CAND2: variants seen among roughly 807,000 people sequenced by gnomAD.
The protein encoded by CAND2 is cullin-associated NEDD8-dissociated protein 2.
Under a neutral mutation model 98.9 loss-of-function variants are expected in CAND2, and 62 were observed. That is an observed-to-expected ratio of 0.63 (90% confidence interval 0.51 to 0.77). CAND2 has a LOEUF of 0.77. Among genes scored for constraint, CAND2 ranks in the 30% least tolerant of loss-of-function variants. The pLI is 0.00. For synonymous variants in CAND2, 770 were observed against 731.9 expected, an observed-to-expected ratio of 1.05 and a Z score of -0.84; for missense variants, 1,501 against 1,655.2, an observed-to-expected ratio of 0.91 and a Z score of 1.62.
At chr3:12,832,753 G>C (rs1366299402) in intron 14 of CAND2, 2 of 152,168 alleles carry the variant, frequency 1.3e-5, no homozygotes, top group Non-Finnish European at 2.9e-5. Flanking sequence ...CTGGGATCCT[G>C]GAACCAAACT....
At chr3:12,799,626 C>T (rs969192857) in intron 1 of CAND2, among the ~76,000 whole-genome samples, 6 of 152,206 alleles carry the variant, frequency 3.9e-5, no homozygotes, top group African/African-American at 7.2e-5. Flanking sequence ...TGCTCTCACC[C>T]TCCCTGACAA....
intron 13 of CAND2, 66 bp from the exon 14 acceptor site, chr3:12,831,399 C>T: frequency 7.4e-7 from 1 of 1,342,290 alleles, no homozygotes; most frequent in South Asian, 1.2e-5. Flanking sequence ...CTGCTCTTTC[C>T]CAGGGCTGGC....
In CAND2 at chr3:12,816,912, C is replaced by T. The variant is rs764308155; in HGVS notation, c.1980C>T (p.Phe660=). 1.2e-6 allele frequency: 2 copies of T among 1,613,850 alleles called. No individual in the cohort carries two copies. Among genetic ancestry groups the T allele is most frequent in the South Asian group, 2.2e-5 (2 of 91,082 alleles). ...AGGCACTGCACATTCTGGCCTCATT[C>T]CTGCGGAAGAACCAGCGGGCTTTGC... is the stretch of plus-strand genomic sequence containing the variant. The part of the protein sequence containing the change: ...LAEALHILAS[F]LRKNQRALRL... Residue 660 remains phenylalanine (F), a synonymous_variant, in exon 10 of 15, where the codon TTC becomes TTT. Transcript: ENST00000456430.
At chr3:12,831,194 C>T (rs1355922169) in intron 13 of CAND2, among the ~76,000 whole-genome samples, 6 of 152,230 alleles carry the variant, frequency 3.9e-5, no homozygotes, top group Admixed American at 3.9e-4. Context: ...TCATCCCCAG[C>T]ATCTGCCTGA....
rs768568482 is a variant in CAND2, at chr3:12,820,112, A to G, written c.2971A>G (p.Ile991Val). The G allele has an allele frequency of 1.7e-5, 27 of 1,614,052 alleles. No individual in the cohort carries two copies. The change falls in exon 11 of 15, where the codon ATC becomes GTC. Residue 991 changes from isoleucine to valine, a missense_variant. Physicochemically the swap from Ile to Val is conservative, Grantham distance 29. Transcript: ENST00000456430. ...AGRPHTRSTV[I>V]TAVKFLISDQ... ...TCGGCCACACACCCGGAGCACCGTC[A>G]TCACAGCGGTCAAGTTCCTTATCTC...
Position 12,825,631 on chromosome 3 carries a change from A to G in CAND2, c.3202A>G (p.Ile1068Val). The G allele has an allele frequency of 6.2e-7, 1 of 1,600,456 alleles. No individual in the cohort carries two copies. The highest frequency in any genetic ancestry group is 1.3e-5 in the African/African-American group (1 of 74,932). ...GGAGACAAAGATCCGGCGGGACCTC[A>G]TCCGAGAGGTGTGGAGCAGAGCTGG... ...YQETKIRRDL[I>V]REVEMGPFKH... The change falls in exon 12 of 15, where the codon ATC (isoleucine) becomes GTC (valine). Residue 1068 changes from isoleucine to valine, a missense_variant. Ile to Val is a conservative substitution (Grantham distance 29). Around this residue, in one of 3 missense-constraint regions of CAND2, gnomAD observed 1,427 missense variants for 1,545.3 expected, o/e 0.92. Transcript: ENST00000456430.
intron 13 of CAND2, among the ~76,000 whole-genome samples, chr3:12,828,166 G>A (rs570809043): frequency 6.6e-6 from 1 of 152,240 alleles, no homozygotes; most frequent in East Asian, 1.9e-4. Flanking sequence ...TTAACAGACA[G>A]AGTGAGTCTG....
In CAND2 at chr3:12,817,890, TGTG is replaced by T; in HGVS notation, c.2944+16_2944+18del. On this transcript the variant is annotated intron_variant, in intron 10 of 14. Coordinates refer to ENST00000456430, the MANE Select transcript of CAND2 (RefSeq NM_001162499.2). ...AGCTTGCTGCAGGTAGGCACACAGG[TGTG>T]GGCAAGGCAGCCCACCTCGGAGGTG... The T allele has an allele frequency of 6.7e-7, 1 of 1,498,492 alleles. No homozygotes were observed. The highest frequency in any genetic ancestry group is 1.4e-5 in the South Asian group (1 of 72,312). The allele number at this position is 1,498,492 out of a possible 1,614,324, so 92.8% of individuals were successfully genotyped here.
chr3:12,799,236 A>G (rs951315303), intron 1 of CAND2, among the ~76,000 whole-genome samples: 1 of 152,128 alleles, frequency 6.6e-6, no homozygotes, highest in East Asian at 1.9e-4. Flanking sequence ...AGATTGTCCT[A>G]TTGAAACCTC....
chr3:12,802,317 AC>A, intron 1 of CAND2, among the ~76,000 whole-genome samples: 1 of 151,312 alleles, frequency 6.6e-6, no homozygotes, highest in East Asian at 1.9e-4. Context: ...ACAGAGCAAG[AC>A]TCCATCTCAA....
intron 1 of CAND2, among the ~76,000 whole-genome samples, chr3:12,797,936 C>T (rs1468473887): frequency 6.6e-6 from 1 of 152,046 alleles, no homozygotes; most frequent in East Asian, 1.9e-4. Flanking sequence ...CTCAGTACCC[C>T]TCAAGAGCCC....
At position 12,817,656 on chromosome 3, in the gene CAND2, C is replaced by G. The variant is rs1192987733; in HGVS notation, c.2724C>G (p.Pro908=). The change falls in exon 10 of 15, where the codon CCC becomes CCG. Residue 908 remains proline (P), a synonymous_variant. Coordinates refer to ENST00000456430, the MANE Select transcript of CAND2 (RefSeq NM_001162499.2). ...PFLLEQIEAE[P]RRQYLLLHSL... ...TGCTGGAGCAGATCGAGGCTGAGCC[C>G]CGACGACAGTACCTGCTGCTGCACT... is the stretch of plus-strand genomic sequence containing the variant. 4.3e-6 allele frequency: 7 copies of G among 1,612,284 alleles called. No homozygotes were observed. In the Admixed American group the frequency reaches 1.2e-4, roughly 27 times the overall value.
intron 11 of CAND2, among the ~76,000 whole-genome samples, chr3:12,822,889 C>T (rs533263226): frequency 6.6e-6 from 1 of 152,242 alleles, no homozygotes; most frequent in East Asian, 1.9e-4. Context: ...CACACCCATG[C>T]ACATCTTTCT....
At chr3:12,810,541 C>G (rs1302455601) in intron 5 of CAND2, among the ~76,000 whole-genome samples, 3 of 152,128 alleles carry the variant, frequency 2.0e-5, no homozygotes, top group Non-Finnish European at 4.4e-5. Context: ...AGGTTGGGGC[C>G]GGATAGGGCT....
chr3:12,827,742 G>A, intron 13 of CAND2, 138 bp downstream of exon 13: 1 of 813,252 alleles, frequency 1.2e-6, no homozygotes. Context: ...TTTCTGATAA[G>A]AAAAGGAACC....
Position 12,815,134 on chromosome 3 carries a change from G to A in CAND2, c.1007-7G>A. ...AGGGTTCCACGTGTGTCTTGTTCCT[G>A]CCCCAGAGAGTGAAGACGAGTACAG... On this transcript the variant is annotated splice_polypyrimidine_tract_variant and splice_region_variant and intron_variant, in intron 7 of 14. Coordinates refer to ENST00000456430, the MANE Select transcript of CAND2 (RefSeq NM_001162499.2). The surrounding 1 kb of genome is among the most constrained non-coding windows in gnomAD (Gnocchi z 5.7). The A allele has an allele frequency of 6.2e-7, 1 of 1,600,020 alleles. No homozygotes were observed.
In CAND2 at chr3:12,817,648, G is replaced by A; in HGVS notation, c.2716G>A (p.Ala906Thr). The A allele has an allele frequency of 6.2e-7, 1 of 1,612,784 alleles. No individual in the cohort carries two copies. The highest frequency in any genetic ancestry group is 8.5e-7 in the Non-Finnish European group (1 of 1,179,672). ...FLPFLLEQIE[A>T]EPRRQYLLLH... Reference sequence around the variant, plus strand: ...GCCCTTCCTGCTGGAGCAGATCGAGGCTGAGCCCCGACGACAGTACCTGCT... The same window carrying A: ...GCCCTTCCTGCTGGAGCAGATCGAGACTGAGCCCCGACGACAGTACCTGCT... The change falls in exon 10 of 15, where the codon GCT becomes ACT. Residue 906 changes from alanine to threonine, a missense_variant. By Grantham distance (58) the Ala-to-Thr change is moderately conservative (BLOSUM62 0). Around this residue, in one of 3 missense-constraint regions of CAND2, gnomAD observed 1,427 missense variants for 1,545.3 expected, o/e 0.92. Transcript: ENST00000456430.
Position 12,810,191 on chromosome 3 carries a change from C to G in CAND2, c.624C>G (p.Thr208=). The change falls in exon 5 of 15, where the codon ACC becomes ACG. Residue 208 remains threonine (T), a synonymous_variant. Coordinates refer to ENST00000456430, the MANE Select transcript of CAND2 (RefSeq NM_001162499.2). ...ALGHLAAACS[T]DLFVELADHL... ...GCCACCTGGCGGCCGCCTGCAGCAC[C>G]GACCTCTTCGTCGAGCTCGCTGACC... 1 of 1,540,232 alleles carries G rather than the reference C, an allele frequency of 6.5e-7. No homozygotes were observed. Among genetic ancestry groups the G allele is most frequent in the Non-Finnish European group, 8.7e-7 (1 of 1,148,368 alleles).
chr3:12,819,448 T>TA (rs1420119185), intron 10 of CAND2, among the ~76,000 whole-genome samples: 3 of 152,174 alleles, frequency 2.0e-5, no homozygotes, highest in African/African-American at 7.2e-5. Flanking sequence ...TTTCCTTCAT[T>TA]AAGGGAATGT....
Sources: gnomAD v4.1 joint callset for allele counts (sites outside exome capture counted in the v4.1 genomes callset) on GRCh38, gnomAD v4.1.1 for gene constraint, gnomAD v4.1.1 regional missense constraint, Gnocchi (gnomAD v3.1) non-coding constraint, MANE v1.5 for transcripts, NCBI Gene and HGNC (gene_info 2026-07-23, HGNC 2026-07-21) for gene names.